Variants in CDH17 observed in about 807,000 individuals in gnomAD.
The protein encoded by CDH17 is cadherin-17.
In CDH17, 67 loss-of-function variants were observed where a neutral mutation model predicts 86.3. The ratio of observed to expected loss-of-function variants is 0.78; its 90% CI spans 0.64 to 0.95. The LOEUF (loss-of-function observed/expected upper bound fraction) is 0.95. CDH17 is among the 40% of genes least tolerant of loss of function. The pLI is 0.00. For missense variants in CDH17, 993 were observed against 1,017.6 expected (o/e 0.98, Z 0.33); for synonymous variants, 367 against 366.4 (o/e 1.00, Z -0.02).
At chr8:94,144,130 G>A (rs1039343538) in intron 15 of CDH17, among the ~76,000 whole-genome samples, 1 of 152,118 alleles carries the variant, frequency 6.6e-6, no homozygotes, top group African/African-American at 2.4e-5. Context: ...GCCATTTTAA[G>A]GTTATTAATT....
At chr8:94,173,508 C>A (rs1813307981) in intron 7 of CDH17, among the ~76,000 whole-genome samples, 1 of 152,182 alleles carries the variant, frequency 6.6e-6, no homozygotes, top group South Asian at 2.1e-4. Context: ...GCTTGAACAG[C>A]CTGCAAAACG....
chr8:94,159,730 TGAC>T (rs1813013778), intron 12 of CDH17, among the ~76,000 whole-genome samples: 1 of 152,184 alleles, frequency 6.6e-6, no homozygotes, highest in Non-Finnish European at 1.5e-5. Flanking sequence ...ATATTTTATA[TGAC>T]GTTACCTCCC....
chr8:94,175,826 T>G (rs948101076), intron 5 of CDH17, among the ~76,000 whole-genome samples: 2 of 152,166 alleles, frequency 1.3e-5, no homozygotes, highest in Non-Finnish European at 2.9e-5. Context: ...GGGAGTAAGC[T>G]TACCTTTCTA....
chr8:94,177,900 A>C (rs1813406458), intron 3 of CDH17, among the ~76,000 whole-genome samples, 179 bp from the exon 4 acceptor site: 1 of 152,252 alleles, frequency 6.6e-6, no homozygotes, highest in Non-Finnish European at 1.5e-5. Flanking sequence ...GTAACATTTA[A>C]CATACATTTT....
intron 15 of CDH17, among the ~76,000 whole-genome samples, chr8:94,143,305 C>A (rs1280862597): frequency 6.6e-6 from 1 of 152,166 alleles, no homozygotes. Context: ...GACAGTAGGT[C>A]TCAACAGTGG....
upstream of CDH17, among the ~76,000 whole-genome samples, chr8:94,210,391 G>A (rs1814105161): frequency 3.3e-5 from 5 of 152,096 alleles, no homozygotes; most frequent in Admixed American, 3.3e-4. Flanking sequence ...ATTAAACACT[G>A]AAAATGCCTA....
intron 9 of CDH17, among the ~76,000 whole-genome samples, chr8:94,166,462 G>T (rs1015854812): frequency 6.6e-6 from 1 of 152,086 alleles, no homozygotes; most frequent in East Asian, 1.9e-4. Context: ...GTCACATTCC[G>T]AGGTACTAGG....
intron 2 of CDH17, among the ~76,000 whole-genome samples, chr8:94,193,777 C>T (rs971008548): frequency 2.0e-5 from 3 of 152,048 alleles, no homozygotes; most frequent in African/African-American, 4.8e-5. Flanking sequence ...AGATTTCCCC[C>T]GGGAGGAAGG....
chr8:94,163,785 G>T (rs928361901), intron 10 of CDH17, among the ~76,000 whole-genome samples: 6 of 152,198 alleles, frequency 3.9e-5, no homozygotes, highest in Non-Finnish European at 8.8e-5. Flanking sequence ...AGTGGATATT[G>T]ATTGAAGTTA....
At chr8:94,168,133 T>C (rs1813197259) in intron 9 of CDH17, among the ~76,000 whole-genome samples, 1 of 106,996 alleles carries the variant, frequency 9.3e-6, no homozygotes. Context: ...TATATATATA[T>C]ATATATATAT....
At chr8:94,213,027 G>A (rs1814146085), upstream of CDH17, among the ~76,000 whole-genome samples, 1 of 152,218 alleles carries the variant, frequency 6.6e-6, no homozygotes, top group African/African-American at 2.4e-5. Context: ...GCCCAAGCTA[G>A]ACTGCAGCAT....
At chr8:94,200,443 A>G (rs889598015) in intron 1 of CDH17, among the ~76,000 whole-genome samples, 1 of 151,660 alleles carries the variant, frequency 6.6e-6, no homozygotes, top group African/African-American at 2.4e-5. Context: ...CCTCAGATAC[A>G]AGGACTAAAT....
chr8:94,147,899 C>T lies in CDH17; in HGVS notation c.1927+845G>A, dbSNP rs893057763. On this transcript the variant is annotated intron_variant, in intron 14 of 17. Coordinates refer to ENST00000027335, the MANE Select transcript of CDH17 (RefSeq NM_004063.4). ...CAAAACACAGATACCCCTTGTTCAC[C>T]CAAACCTATGGAATCAGAAACTCCA... Among the ~76,000 whole-genome samples, 3 of 152,164 alleles carry T rather than the reference C, an allele frequency of 2.0e-5. No individual in the cohort carries two copies. In the South Asian group the frequency reaches 6.2e-4, roughly 32 times the overall value.
At chr8:94,209,354 T>A (rs768457015), upstream of CDH17, among the ~76,000 whole-genome samples, 1 of 152,216 alleles carries the variant, frequency 6.6e-6, no homozygotes, top group Non-Finnish European at 1.5e-5. Context: ...CATGTCTGTG[T>A]CTGGTGTGTT....
intron 5 of CDH17, among the ~76,000 whole-genome samples, chr8:94,176,168 G>A (rs1053003759): frequency 5.9e-5 from 9 of 152,108 alleles, no homozygotes; most frequent in African/African-American, 2.2e-4. Context: ...GCCTCCCAAA[G>A]TACTGGGATT....
rs775735986 is a variant in CDH17, at chr8:94,196,454, C to T, written c.-20-1749G>A. ...AAACAATGGTTCACATCCAGAAGCC[C>T]AGCACTTTGGGAGACCGAGGCAGGT... On this transcript the variant is annotated intron_variant, in intron 1 of 17. Transcript: ENST00000027335. 6.3e-4 allele frequency among the ~76,000 whole-genome samples: 96 copies of T among 152,192 alleles called. 1 individual carries two copies. Among genetic ancestry groups the T allele is most frequent in the Non-Finnish European group, 1.2e-3 (81 of 68,012 alleles).
At chr8:94,148,993 C>T (rs1443473566) in intron 13 of CDH17, 119 bp from the exon 14 acceptor site, 4 of 700,742 alleles carry the variant, frequency 5.7e-6, no homozygotes, top group African/African-American at 5.5e-5. Flanking sequence ...AAATAATATA[C>T]AAATGATAAT....
chr8:94,151,423 G>A (rs1482573371), intron 13 of CDH17, among the ~76,000 whole-genome samples: 1 of 152,196 alleles, frequency 6.6e-6, no homozygotes, highest in Admixed American at 6.5e-5. Context: ...ACATCCAGAA[G>A]ATTCCCTCAG....
At position 94,152,094 on chromosome 8, in the gene CDH17, C is replaced by G. The variant is rs377115276; in HGVS notation, c.1570G>C (p.Ala524Pro). 43 of 1,613,922 alleles carry G rather than the reference C, an allele frequency of 2.7e-5. No homozygotes were observed. The highest frequency in any genetic ancestry group is 3.6e-5 in the Non-Finnish European group (43 of 1,179,952). Residue 524 changes from alanine (A) to proline (P), a missense_variant, in exon 13 of 18, where the codon GCA becomes CCA. By Grantham distance (27) the Ala-to-Pro change is conservative. Transcript: ENST00000027335. ...IIKKPLDFETAAVSNIVFKAE... is the reference protein window; with the variant it reads ...IIKKPLDFETPAVSNIVFKAE... ...TTGAACACAATGTTGGAAACAGCTG[C>G]TGTTTCAAAATCAAGAGGCTGTGTA...
Sources: gnomAD v4.1 joint callset for allele counts (sites outside exome capture counted in the v4.1 genomes callset) on GRCh38, gnomAD v4.1.1 for gene constraint, MANE v1.5 for transcripts, NCBI Gene and HGNC (gene_info 2026-07-23, HGNC 2026-07-21) for gene names.